DUSP22: variants seen among roughly 807,000 people sequenced by gnomAD.
The protein encoded by DUSP22 is dual specificity phosphatase 22.
A neutral mutation model predicts 24.5 loss-of-function variants in DUSP22; 24 were observed. The ratio of observed to expected loss-of-function variants is 0.98; its 90% CI spans 0.71 to 1.38. The LOEUF (loss-of-function observed/expected upper bound fraction) is 1.38. Ranked by LOEUF, DUSP22 falls within the 40% of genes most tolerant of loss-of-function variation. DUSP22 has a pLI of 0.00. For synonymous variants in DUSP22, 160 were observed against 106.4 expected (o/e 1.50, Z -3.10); for missense variants, 330 against 269.2 (o/e 1.23, Z -1.58).
At chr6:301,621 T>C (rs1440541254) in intron 1 of DUSP22, among the ~76,000 whole-genome samples, 1 of 152,304 alleles carries the variant, frequency 6.6e-6, no homozygotes, top group Non-Finnish European at 1.5e-5. Context: ...ATTGAGGCTC[T>C]GCGCAAGGCT....
chr6:350,704 A>G lies in DUSP22; in HGVS notation c.*1753A>G. The G allele has an allele frequency of 1.9e-6, 3 of 1,591,900 alleles. No individual in the cohort carries two copies. The highest frequency in any genetic ancestry group is 2.2e-5 in the East Asian group (1 of 44,542). ...AAATAAATACGTTAACAGAAAAATG[A>G]TTTAGGATATAGCTTGAATGCTTAA... On this transcript the variant is annotated 3_prime_UTR_variant, in exon 7 of 7. Coordinates refer to ENST00000419235, the MANE Select transcript of DUSP22 (RefSeq NM_001286555.3).
At chr6:323,883 G>A (rs1758723626) in intron 3 of DUSP22, among the ~76,000 whole-genome samples, 1 of 152,310 alleles carries the variant, frequency 6.6e-6, no homozygotes, top group South Asian at 2.1e-4. Flanking sequence ...CAGCCCCGCA[G>A]CACCCAAGTG....
At chr6:303,567 G>A (rs1757682588) in intron 1 of DUSP22, among the ~76,000 whole-genome samples, 1 of 151,858 alleles carries the variant, frequency 6.6e-6, no homozygotes, top group Non-Finnish European at 1.5e-5. Flanking sequence ...AGGAAGATAG[G>A]GGAGCTGCAG....
At chr6:344,260 C>T (rs543904489) in intron 4 of DUSP22, among the ~76,000 whole-genome samples, 36 of 151,114 alleles carry the variant, frequency 2.4e-4, no homozygotes, top group Admixed American at 1.6e-3. Context: ...GATTAAGGCA[C>T]GCGTCATCAT....
intron 4 of DUSP22, among the ~76,000 whole-genome samples, chr6:340,356 C>T (rs1430707716): frequency 1.3e-5 from 2 of 152,310 alleles, no homozygotes; most frequent in Non-Finnish European, 2.9e-5. Flanking sequence ...GGACTGGGGG[C>T]TTCACCATCA....
At chr6:341,639 C>A (rs1213344875) in intron 4 of DUSP22, among the ~76,000 whole-genome samples, 2 of 152,308 alleles carry the variant, frequency 1.3e-5, no homozygotes, top group African/African-American at 2.4e-5. Flanking sequence ...TTGTTGGCAT[C>A]CTTCCGGCTC....
chr6:301,304 A>G (rs536548791), intron 1 of DUSP22, among the ~76,000 whole-genome samples: 31 of 152,406 alleles, frequency 2.0e-4, no homozygotes, highest in Admixed American at 1.9e-3. Context: ...TTTAGAAAGA[A>G]TATTTAGGGC....
At position 335,859 on chromosome 6, in the gene DUSP22, G is replaced by A. The variant is rs770424814; in HGVS notation, c.188+696G>A. Among the ~76,000 whole-genome samples the A allele has an allele frequency of 6.6e-5, 10 of 152,422 alleles. No individual in the cohort carries two copies. The South Asian group carries it at 8.3e-4, about 13-fold the overall frequency. On this transcript the variant is annotated intron_variant, in intron 4 of 6. Transcript: ENST00000419235. Reference sequence around the variant, plus strand: ...CCTGGCGGAGTGGAATGAATAGGTCGTTGTGGCTTAGGAAAGTCCAGTCCT... The same window carrying A: ...CCTGGCGGAGTGGAATGAATAGGTCATTGTGGCTTAGGAAAGTCCAGTCCT...
chr6:304,503 G>A (rs1353412444), intron 1 of DUSP22, 125 bp from the exon 2 acceptor site: 1 of 1,399,896 alleles, frequency 7.1e-7, no homozygotes, highest in Non-Finnish European at 1.0e-6. Flanking sequence ...GTGTCTGTCA[G>A]GGAGGTGCTG....
chr6:298,309 C>T (rs1449450277), intron 1 of DUSP22, among the ~76,000 whole-genome samples: 1 of 152,304 alleles, frequency 6.6e-6, no homozygotes. Flanking sequence ...AAGGAATCCA[C>T]CAAAGTTTTC....
chr6:336,918 G>T (rs560076053), intron 4 of DUSP22: 92 of 152,504 alleles, frequency 6.0e-4, no homozygotes, highest in African/African-American at 2.1e-3. Flanking sequence ...TGTTTTGGTG[G>T]CTATTTTTAG....
intron 4 of DUSP22, among the ~76,000 whole-genome samples, chr6:340,886 T>C (rs1487774901): frequency 2.6e-5 from 4 of 152,306 alleles, no homozygotes; most frequent in Admixed American, 6.5e-5. Flanking sequence ...TGAGAAGTAG[T>C]TGTTCAGCCT....
intron 4 of DUSP22, among the ~76,000 whole-genome samples, chr6:340,430 G>T (rs1438954668): frequency 1.3e-5 from 2 of 152,422 alleles, no homozygotes; most frequent in Admixed American, 1.3e-4. Context: ...ACAGATTTCT[G>T]CCCGAAGAGG....
At position 330,521 on chromosome 6, in the gene DUSP22, G is replaced by A. The variant is rs539210942; in HGVS notation, c.139-4593G>A. Among the ~76,000 whole-genome samples the A allele has an allele frequency of 4.6e-5, 7 of 152,416 alleles. No individual in the cohort carries two copies. In the South Asian group the frequency reaches 8.3e-4, roughly 18 times the overall value. On this transcript the variant is annotated intron_variant, in intron 3 of 6. Transcript: ENST00000419235. Reference sequence around the variant, plus strand: ...AGTTTGATCTCTTTCTTTACCAGTCGTGAAATCAGAACCTTGGCCCTGCTT... The same window carrying A: ...AGTTTGATCTCTTTCTTTACCAGTCATGAAATCAGAACCTTGGCCCTGCTT...
intron 3 of DUSP22, among the ~76,000 whole-genome samples, chr6:329,340 A>C (rs1447697345): frequency 1.3e-5 from 2 of 152,302 alleles, no homozygotes; most frequent in African/African-American, 4.8e-5. Flanking sequence ...TAATAGGTGC[A>C]GAGTTTTACT....
chr6:304,341 C>G (rs543242550), intron 1 of DUSP22, among the ~76,000 whole-genome samples: 1 of 152,300 alleles, frequency 6.6e-6, no homozygotes, highest in Admixed American at 6.5e-5. Flanking sequence ...GGTGGGCAGG[C>G]GGGGCAGGGG....
At chr6:309,603 T>C (rs1452900331) in intron 2 of DUSP22, among the ~76,000 whole-genome samples, 1 of 152,290 alleles carries the variant, frequency 6.6e-6, no homozygotes, top group East Asian at 1.9e-4. Context: ...TGGAGATTCC[T>C]CAGCCCCAGG....
chr6:344,452 A>AT (rs549490848), intron 4 of DUSP22, among the ~76,000 whole-genome samples: 591 of 152,034 alleles, frequency 3.9e-3, no homozygotes, highest in South Asian at 0.019. Flanking sequence ...CACCCAGCTA[A>AT]TTTTTTTTTG....
At chr6:313,372 G>A (rs1183299202) in intron 3 of DUSP22, among the ~76,000 whole-genome samples, 2 of 152,268 alleles carry the variant, frequency 1.3e-5, no homozygotes, top group African/African-American at 4.8e-5. Context: ...ATCTGCCAGG[G>A]TTAGAAATCA....
Sources: gnomAD v4.1 joint callset for allele counts (sites outside exome capture counted in the v4.1 genomes callset) on GRCh38, gnomAD v4.1.1 for gene constraint, MANE v1.5 for transcripts, NCBI Gene and HGNC (gene_info 2026-07-23, HGNC 2026-07-21) for gene names.